Variants in PXDNL observed in about 807,000 individuals in gnomAD.
The protein encoded by PXDNL is peroxidasin like.
PXDNL carries 145 observed loss-of-function variants against 150.8 expected under a neutral mutation model. The ratio of observed to expected loss-of-function variants is 0.96; its 90% CI spans 0.84 to 1.10. PXDNL has a LOEUF of 1.10. Among genes scored for constraint, PXDNL ranks in the 50% least tolerant of loss-of-function variants. The pLI, the probability that PXDNL is intolerant of heterozygous loss-of-function variation, is 0.00. For synonymous variants in PXDNL, 757 were observed against 725.7 expected (o/e 1.04, Z -0.69); for missense variants, 2,087 against 1,873.9 (o/e 1.11, Z -2.10).
At chr8:51,744,822 GGACA>G (rs758460745) in intron 1 of PXDNL, among the ~76,000 whole-genome samples, 98 of 138,404 alleles carry the variant, frequency 7.1e-4, no homozygotes, top group Middle Eastern at 5.3e-3. Flanking sequence ...AGAGAAAGAA[GGACA>G]GACAGAAAGA....
chr8:51,495,733 G>T (rs1490262082), intron 5 of PXDNL, among the ~76,000 whole-genome samples: 2 of 152,148 alleles, frequency 1.3e-5, no homozygotes, highest in East Asian at 3.9e-4. Context: ...AAACCAGGAA[G>T]AAGTTGAATC....
chr8:51,525,870 C>T (rs1811760436), intron 4 of PXDNL, among the ~76,000 whole-genome samples: 1 of 152,122 alleles, frequency 6.6e-6, no homozygotes, highest in Non-Finnish European at 1.5e-5. Context: ...CACATATTTG[C>T]CCTAAAGACA....
At chr8:51,527,355 C>T (rs1314100312) in intron 4 of PXDNL, among the ~76,000 whole-genome samples, 2 of 152,146 alleles carry the variant, frequency 1.3e-5, no homozygotes, top group African/African-American at 4.8e-5. Flanking sequence ...TTTCCATTTG[C>T]TTGATAGGCT....
At chr8:51,535,956 TTC>T (rs908973012) in intron 4 of PXDNL, among the ~76,000 whole-genome samples, 7 of 152,196 alleles carry the variant, frequency 4.6e-5, no homozygotes, top group African/African-American at 1.4e-4. Context: ...CGTTTCCAGC[TTC>T]TGTGATCTGT....
At chr8:51,578,595 G>T in intron 3 of PXDNL, among the ~76,000 whole-genome samples, 1 of 151,818 alleles carries the variant, frequency 6.6e-6, no homozygotes, top group Non-Finnish European at 1.5e-5. Context: ...ATTCAAGCAA[G>T]ACTTTTGTAC....
intron 4 of PXDNL, among the ~76,000 whole-genome samples, chr8:51,514,885 C>T (rs1003389286): frequency 1.3e-5 from 2 of 152,206 alleles, no homozygotes; most frequent in Non-Finnish European, 2.9e-5. Context: ...TTTTCATCCC[C>T]ACAATCGTTG....
chr8:51,409,900 C>T (rs1808579308), intron 16 of PXDNL, among the ~76,000 whole-genome samples: 2 of 152,092 alleles, frequency 1.3e-5, no homozygotes, highest in South Asian at 4.2e-4. Context: ...GCTGTTCATC[C>T]TGTAAACAAT....
chr8:51,329,942 G>A (rs553365462), intron 21 of PXDNL, among the ~76,000 whole-genome samples: 3 of 152,340 alleles, frequency 2.0e-5, no homozygotes, highest in Admixed American at 1.3e-4. Context: ...AAAGGCTGGA[G>A]AGCCAGAGGA....
At chr8:51,654,624 C>G in intron 2 of PXDNL, 65 bp downstream of exon 2, 1 of 1,215,204 alleles carries the variant, frequency 8.2e-7, no homozygotes, top group Middle Eastern at 1.9e-4. Context: ...ATGACTTTCA[C>G]GGTAAATTGC....
chr8:51,460,226 G>A lies in PXDNL; in HGVS notation c.813-2559C>T, dbSNP rs1257975597. On this transcript the variant is annotated intron_variant, in intron 8 of 22. Coordinates refer to ENST00000356297, the MANE Select transcript of PXDNL (RefSeq NM_144651.5). Reference sequence around the variant, plus strand: ...ATTGTGCCACTGAACTCCAGCCTGGGCAACAGAGTGAGACTGTCTGTCTCA... The same window carrying A: ...ATTGTGCCACTGAACTCCAGCCTGGACAACAGAGTGAGACTGTCTGTCTCA... 4.7e-5 allele frequency among the ~76,000 whole-genome samples: 7 copies of A among 149,972 alleles called. 1 individual carries two copies. Among genetic ancestry groups the A allele is most frequent in the Non-Finnish European group, 7.4e-5 (5 of 67,644 alleles).
intron 1 of PXDNL, among the ~76,000 whole-genome samples, chr8:51,680,036 T>C (rs1815708150): frequency 6.6e-6 from 1 of 152,246 alleles, no homozygotes; most frequent in Non-Finnish European, 1.5e-5. Flanking sequence ...TTCCTATCAC[T>C]TATATTTGAT....
At chr8:51,672,037 A>G (rs922300831) in intron 1 of PXDNL, among the ~76,000 whole-genome samples, 19 of 152,152 alleles carry the variant, frequency 1.2e-4, no homozygotes, top group African/African-American at 4.3e-4. Context: ...GCTGGAGTGC[A>G]GTGTTGCCAT....
At chr8:51,530,117 T>A (rs574620453) in intron 4 of PXDNL, among the ~76,000 whole-genome samples, 1 of 152,170 alleles carries the variant, frequency 6.6e-6, no homozygotes, top group South Asian at 2.1e-4. Flanking sequence ...AGATGTGGGG[T>A]TGGCAGCTGG....
At chr8:51,540,946 GT>G (rs1361041063) in intron 4 of PXDNL, among the ~76,000 whole-genome samples, 1 of 149,510 alleles carries the variant, frequency 6.7e-6, no homozygotes, top group African/African-American at 2.5e-5. Flanking sequence ...TGCAGATGTT[GT>G]TATTTTTTTT....
At chr8:51,522,745 G>C (rs1308275713) in intron 4 of PXDNL, among the ~76,000 whole-genome samples, 2 of 152,140 alleles carry the variant, frequency 1.3e-5, no homozygotes, top group African/African-American at 2.4e-5. Flanking sequence ...TAGGGAGGCT[G>C]AGGCAGGAGA....
chr8:51,449,430 C>T (rs759750309), intron 10 of PXDNL, among the ~76,000 whole-genome samples: 1 of 152,182 alleles, frequency 6.6e-6, no homozygotes, highest in Admixed American at 6.5e-5. Flanking sequence ...ATGTGATAAA[C>T]ATATTTAAAG....
At chr8:51,434,253 G>A (rs1377694532) in intron 12 of PXDNL, among the ~76,000 whole-genome samples, 1 of 152,188 alleles carries the variant, frequency 6.6e-6, no homozygotes, top group Non-Finnish European at 1.5e-5. Context: ...AAAGCCTGTT[G>A]TTAGTTTAAA....
intron 17 of PXDNL, among the ~76,000 whole-genome samples, chr8:51,402,411 C>A (rs565223010): frequency 1.3e-5 from 2 of 151,860 alleles, no homozygotes; most frequent in African/African-American, 4.8e-5. Flanking sequence ...CCCAGCTACT[C>A]GGGAGGCTGA....
At chr8:51,446,564 A>G (rs1380301228) in intron 12 of PXDNL, among the ~76,000 whole-genome samples, 1 of 152,162 alleles carries the variant, frequency 6.6e-6, no homozygotes, top group Non-Finnish European at 1.5e-5. Context: ...ATTATGTAGG[A>G]TAAACCTAAG....
Sources: allele counts gnomAD v4.1 joint callset (sites outside exome capture counted in the v4.1 genomes callset), GRCh38; gene constraint gnomAD v4.1.1; transcripts MANE v1.5; gene names NCBI Gene and HGNC (gene_info 2026-07-23, HGNC 2026-07-21).